PRR16: variants seen among roughly 807,000 people sequenced by gnomAD.
The protein encoded by PRR16 is protein Largen.
A neutral mutation model predicts 18.2 loss-of-function variants in PRR16; 6 were observed. The ratio of observed to expected loss-of-function variants is 0.33; its 90% CI spans 0.18 to 0.65. The LOEUF is 0.65. Among genes scored for constraint, PRR16 ranks in the 30% least tolerant of loss-of-function variants. The pLI is 0.74. For missense variants in PRR16, 412 were observed against 376.6 expected (o/e 1.09, Z -0.78); for synonymous variants, 151 against 147.8 (o/e 1.02, Z -0.16).
At chr5:120,506,755 T>C (rs1750658642) in intron 1 of PRR16, among the ~76,000 whole-genome samples, 1 of 152,054 alleles carries the variant, frequency 6.6e-6, no homozygotes, top group Non-Finnish European at 1.5e-5. Flanking sequence ...GCAAGATGGC[T>C]GCTGCATCTC....
At chr5:120,785,575 G>GTTGTTGTTTT in the PRR16 span, among the ~76,000 whole-genome samples, 1 of 115,394 alleles carries the variant, frequency 8.7e-6, no homozygotes, top group Admixed American at 9.3e-5. Context: ...TGTTGTTGTT[G>GTTGTTGTTTT]TTTTTTTTTT....
At chr5:120,716,680 G>C in the PRR16 span, among the ~76,000 whole-genome samples, 3 of 152,078 alleles carry the variant, frequency 2.0e-5, no homozygotes, top group Admixed American at 1.3e-4. Flanking sequence ...TTCGAGACCA[G>C]CCTGGCCAAC....
chr5:120,482,931 T>G (rs1357230883), intron 1 of PRR16, among the ~76,000 whole-genome samples: 1 of 152,224 alleles, frequency 6.6e-6, no homozygotes, highest in Non-Finnish European at 1.5e-5. Flanking sequence ...TGAACAACTG[T>G]AATTTTAGTT....
intron 1 of PRR16, among the ~76,000 whole-genome samples, chr5:120,620,260 A>G (rs1445227703): frequency 6.6e-6 from 1 of 152,172 alleles, no homozygotes; most frequent in Non-Finnish European, 1.5e-5. Flanking sequence ...CTTGAATATT[A>G]TAACAGCAAA....
chr5:120,590,755 G>A (rs1367117842), intron 1 of PRR16, among the ~76,000 whole-genome samples: 1 of 152,006 alleles, frequency 6.6e-6, no homozygotes, highest in Non-Finnish European at 1.5e-5. Context: ...GCTGAACATA[G>A]AATGAGACCT....
chr5:120,613,463 C>T (rs1467398623), intron 1 of PRR16, among the ~76,000 whole-genome samples: 2 of 151,750 alleles, frequency 1.3e-5, no homozygotes, highest in Non-Finnish European at 2.9e-5. Context: ...AAGCATATTA[C>T]TAAGATTCAT....
intron 1 of PRR16, among the ~76,000 whole-genome samples, chr5:120,624,243 A>T (rs1465534159): frequency 6.6e-6 from 1 of 152,104 alleles, no homozygotes; most frequent in African/African-American, 2.4e-5. Context: ...TCATCATTAC[A>T]CTCATATAAA....
chr5:120,728,530 A>G, the PRR16 span, among the ~76,000 whole-genome samples: 3 of 152,112 alleles, frequency 2.0e-5, no homozygotes, highest in Non-Finnish European at 2.9e-5. Flanking sequence ...AAATTCCCAT[A>G]TGGTATCCTT....
the PRR16 span, among the ~76,000 whole-genome samples, chr5:120,783,562 A>G: frequency 1.3e-5 from 2 of 152,128 alleles, no homozygotes; most frequent in South Asian, 4.1e-4. Flanking sequence ...CTATCTTTTA[A>G]AAAAATTTAA....
chr5:120,596,574 A>G (rs1040296681), intron 1 of PRR16, among the ~76,000 whole-genome samples: 2 of 151,804 alleles, frequency 1.3e-5, no homozygotes, highest in African/African-American at 4.8e-5. Context: ...CAATACCTCT[A>G]TATCAATTGC....
intron 1 of PRR16, among the ~76,000 whole-genome samples, chr5:120,523,221 G>A (rs980511778): frequency 1.3e-5 from 2 of 152,134 alleles, no homozygotes; most frequent in East Asian, 1.9e-4. Flanking sequence ...ATTTATTTGC[G>A]GTTCTGATCT....
Position 120,560,929 on chromosome 5 carries a change from A to G in PRR16, c.159+96284A>G, listed in dbSNP as rs1350585246. Reference sequence around the variant, plus strand: ...TTATTGGCATATAGTTGTACATAGTAGCCACTAATGATCCTTTGATTTTCT... The same window carrying G: ...TTATTGGCATATAGTTGTACATAGTGGCCACTAATGATCCTTTGATTTTCT... On this transcript the variant is annotated intron_variant, in intron 1 of 1. Transcript: ENST00000407149. 2.0e-5 allele frequency among the ~76,000 whole-genome samples: 3 copies of G among 152,118 alleles called. No homozygotes were observed. In the East Asian group the frequency reaches 5.8e-4, roughly 29 times the overall value.
chr5:120,627,219 TTA>T (rs1389575346), intron 1 of PRR16, among the ~76,000 whole-genome samples: 1 of 152,130 alleles, frequency 6.6e-6, no homozygotes, highest in African/African-American at 2.4e-5. Flanking sequence ...CATGTAGCTA[TTA>T]AATGGCCGAG....
intron 1 of PRR16, among the ~76,000 whole-genome samples, chr5:120,563,851 G>A (rs1358103018): frequency 1.3e-5 from 2 of 152,260 alleles, no homozygotes; most frequent in African/African-American, 2.4e-5. Flanking sequence ...ACCATAGCTG[G>A]GAATGTGCTG....
intron 1 of PRR16, among the ~76,000 whole-genome samples, chr5:120,646,074 A>ATATATATATATATATATATATC (rs1475860368): frequency 5.1e-5 from 7 of 136,338 alleles, no homozygotes; most frequent in Non-Finnish European, 8.0e-5. Context: ...ATATATATAT[A>ATATATATATATATATATATATC]TCATAGTTTC....
intron 1 of PRR16, among the ~76,000 whole-genome samples, chr5:120,600,413 A>C (rs1561567368): frequency 6.6e-6 from 1 of 151,882 alleles, no homozygotes; most frequent in Non-Finnish European, 1.5e-5. Flanking sequence ...AACAACGCAT[A>C]ATGATAATTG....
intron 1 of PRR16, among the ~76,000 whole-genome samples, chr5:120,561,451 A>T (rs964640857): frequency 6.6e-6 from 1 of 152,026 alleles, no homozygotes; most frequent in Non-Finnish European, 1.5e-5. Context: ...AATGATTTCC[A>T]GTCTCATTTC....
intron 1 of PRR16, among the ~76,000 whole-genome samples, chr5:120,538,147 A>T (rs962635666): frequency 6.6e-6 from 1 of 152,176 alleles, no homozygotes; most frequent in Non-Finnish European, 1.5e-5. Flanking sequence ...AGAGATTAAG[A>T]CTGAGTTGTC....
chr5:120,687,729 T>C (rs1347780191), downstream of PRR16, among the ~76,000 whole-genome samples: 1 of 152,202 alleles, frequency 6.6e-6, no homozygotes, highest in Non-Finnish European at 1.5e-5. Context: ...GGCGTAAGTT[T>C]TTCCCCCTCA....
Sources: allele counts gnomAD v4.1 joint callset (sites outside exome capture counted in the v4.1 genomes callset), GRCh38; gene constraint gnomAD v4.1.1; transcripts MANE v1.5; gene names NCBI Gene and HGNC (gene_info 2026-07-23, HGNC 2026-07-21).